Variants in SMOX observed in about 807,000 individuals in gnomAD.
The protein encoded by SMOX is spermine oxidase.
In SMOX, 22 loss-of-function variants were observed where a neutral mutation model predicts 51.0. The observed-to-expected ratio is 0.43, with a 90% confidence interval of 0.31 to 0.62. SMOX has a LOEUF of 0.62. Ranked by LOEUF, SMOX falls within the 20% of genes least tolerant of loss-of-function variation. The probability of loss-of-function intolerance (pLI) is 0.10; values close to 1 mark genes in which losing one functional copy is unlikely to be tolerated. For missense variants in SMOX, 566 were observed against 777.7 expected, an observed-to-expected ratio of 0.73 and a Z score of 3.24; for synonymous variants, 282 against 307.8, an observed-to-expected ratio of 0.92 and a Z score of 0.88.
At chr20:4,163,180 A>C (rs541624587) in intron 1 of SMOX, among the ~76,000 whole-genome samples, 1 of 149,716 alleles carries the variant, frequency 6.7e-6, no homozygotes, top group Admixed American at 6.8e-5. Context: ...TTGGCTGTAC[A>C]TTGGCATCAT....
intron 2 of SMOX, chr20:4,176,019 G>GT (rs11386199): frequency 0.27 from 31,349 of 114,422 alleles, 5,836 homozygotes; most frequent in Non-Finnish European, 0.37. Context: ...CTCTAGAGGA[G>GT]TTTTTTTTTT....
intron 2 of SMOX, among the ~76,000 whole-genome samples, chr20:4,176,889 C>T (rs1035671015): frequency 6.6e-6 from 1 of 152,188 alleles, no homozygotes; most frequent in Admixed American, 6.5e-5. Context: ...CTCTCCTGCC[C>T]TATGCTGAAT....
chr20:4,174,239 AAGAG>A (rs1054330155), intron 1 of SMOX, among the ~76,000 whole-genome samples: 1 of 150,906 alleles, frequency 6.6e-6, no homozygotes, highest in East Asian at 1.9e-4. Context: ...GGGCAAGGGA[AAGAG>A]AGAGAGAGTG....
At chr20:4,154,454 CA>C (rs1985909155) in intron 1 of SMOX, among the ~76,000 whole-genome samples, 1 of 151,880 alleles carries the variant, frequency 6.6e-6, no homozygotes. Context: ...CGGCTCACTG[CA>C]ACCTTCGCCT....
chr20:4,154,845 G>A (rs1040178849), intron 1 of SMOX, among the ~76,000 whole-genome samples: 4 of 151,826 alleles, frequency 2.6e-5, no homozygotes, highest in South Asian at 2.1e-4. Flanking sequence ...GGGAGCTGCC[G>A]GGGTAGGGGG....
At chr20:4,155,910 C>G (rs889145728) in intron 1 of SMOX, among the ~76,000 whole-genome samples, 1 of 152,130 alleles carries the variant, frequency 6.6e-6, no homozygotes. Flanking sequence ...TTGACTGGCT[C>G]TCAGTCTGAG....
intron 3 of SMOX, among the ~76,000 whole-genome samples, chr20:4,179,273 C>T (rs563485865): frequency 4.6e-5 from 7 of 152,292 alleles, no homozygotes; most frequent in East Asian, 1.9e-4. Flanking sequence ...AAATGACTTT[C>T]GGGGCCCGTG....
At position 4,181,766 on chromosome 20, in the gene SMOX, A is replaced by G; in HGVS notation, c.436-37A>G. Reference sequence around the variant, plus strand: ...GCCTTCTGTTTGAGATGGAGGTGTGATGAGGTGTTTTCAGTCTCATGGGGT... The same window carrying G: ...GCCTTCTGTTTGAGATGGAGGTGTGGTGAGGTGTTTTCAGTCTCATGGGGT... On this transcript the variant is annotated intron_variant, in intron 3 of 6. Coordinates refer to ENST00000305958, the MANE Select transcript of SMOX (RefSeq NM_175839.3). The surrounding 1 kb of genome is among the most constrained non-coding windows in gnomAD (Gnocchi z 5.6). The G allele has an allele frequency of 6.2e-7, 1 of 1,602,072 alleles. No individual in the cohort carries two copies. The highest frequency in any genetic ancestry group is 8.5e-7 in the Non-Finnish European group (1 of 1,173,424).
chr20:4,171,170 G>A (rs751767203), intron 1 of SMOX, among the ~76,000 whole-genome samples: 22 of 152,168 alleles, frequency 1.4e-4, no homozygotes, highest in Non-Finnish European at 2.2e-4. Context: ...ATCAAGGAGC[G>A]GATGTTATTT....
At position 4,167,585 on chromosome 20, in the gene SMOX, G is replaced by C. The variant is rs1210381728; in HGVS notation, c.-26-7445G>C. Among the ~76,000 whole-genome samples, 1 of 152,168 alleles carries C rather than the reference G, an allele frequency of 6.6e-6. No homozygotes were observed. Among genetic ancestry groups the C allele is most frequent in the South Asian group, 2.1e-4 (1 of 4,832 alleles). ...GTGCGTCCTTGGAGTGAGTTCAGAG[G>C]TGTTGGCCAAGTGGGGCCTGGAGAA... On this transcript the variant is annotated intron_variant, in intron 1 of 6. Coordinates refer to ENST00000305958, the MANE Select transcript of SMOX (RefSeq NM_175839.3). The surrounding 1 kb of genome is among the most constrained non-coding windows in gnomAD (Gnocchi z 4.8).
chr20:4,153,301 C>T lies in SMOX; in HGVS notation c.-27+4324C>T, dbSNP rs374680231. Among the ~76,000 whole-genome samples, 10 of 152,068 alleles carry T rather than the reference C, an allele frequency of 6.6e-5. No individual in the cohort carries two copies. Among genetic ancestry groups the T allele is most frequent in the South Asian group, 2.1e-4 (1 of 4,826 alleles). On this transcript the variant is annotated intron_variant, in intron 1 of 6. Coordinates refer to ENST00000305958, the MANE Select transcript of SMOX (RefSeq NM_175839.3). This position sits in a 1 kb window ranked among gnomAD's most constrained non-coding sequence, Gnocchi z 4.4. ...ACCCTTCTGGGTTTAGCATTGCCCTCGTCATCTGCCTGTAAAATGGGATTA... is the reference window on the plus strand; with the variant it reads ...ACCCTTCTGGGTTTAGCATTGCCCTTGTCATCTGCCTGTAAAATGGGATTA...
In SMOX at chr20:4,183,306, G is replaced by A; in HGVS notation, c.1370-188G>A. 2 of 735,792 alleles carry A rather than the reference G, an allele frequency of 2.7e-6. No individual in the cohort carries two copies. Among genetic ancestry groups the A allele is most frequent in the Non-Finnish European group, 4.5e-6 (2 of 448,516 alleles). 45.6% of individuals were successfully genotyped at this position (735,792 alleles called of 1,614,324 possible). ...AGCGTTTTGCCGGGGGTCACAGGAGGCGCTGAGTGGGTACACAGCTCGAGC... is the reference window on the plus strand; with the variant it reads ...AGCGTTTTGCCGGGGGTCACAGGAGACGCTGAGTGGGTACACAGCTCGAGC... On this transcript the variant is annotated intron_variant, in intron 5 of 6. Transcript: ENST00000305958. The surrounding 1 kb of genome is among the most constrained non-coding windows in gnomAD (Gnocchi z 4.3).
chr20:4,152,707 A>G (rs1163731365), intron 1 of SMOX, among the ~76,000 whole-genome samples: 2 of 152,210 alleles, frequency 1.3e-5, no homozygotes, highest in African/African-American at 4.8e-5. Context: ...TATTCACTGC[A>G]TGCCCTGCAT....
Position 4,152,857 on chromosome 20 carries a change from A to G in SMOX, c.-27+3880A>G, listed in dbSNP as rs374301183. 1.4e-4 allele frequency among the ~76,000 whole-genome samples: 22 copies of G among 152,368 alleles called. No homozygotes were observed. In the South Asian group the frequency reaches 4.6e-3, roughly 32 times the overall value. Reference sequence around the variant, plus strand: ...AGTGACAGAATGAGGATTGAATCCAAACATTTTACAGACGGGAGGACTGAG... The same window carrying G: ...AGTGACAGAATGAGGATTGAATCCAGACATTTTACAGACGGGAGGACTGAG... On this transcript the variant is annotated intron_variant, in intron 1 of 6. Coordinates refer to ENST00000305958, the MANE Select transcript of SMOX (RefSeq NM_175839.3).
rs1482198506 is a variant in SMOX, at chr20:4,149,346, C to A, written c.-27+369C>A. 6.6e-6 allele frequency among the ~76,000 whole-genome samples: 1 copy of A among 151,620 alleles called. No individual in the cohort carries two copies. Among genetic ancestry groups the A allele is most frequent in the African/African-American group, 2.4e-5 (1 of 41,342 alleles). On this transcript the variant is annotated intron_variant, in intron 1 of 6. Transcript: ENST00000305958. The surrounding 1 kb of genome is among the most constrained non-coding windows in gnomAD (Gnocchi z 6.0). ...GGGAGCGTCCCGGGCGCCCTGCAGGCGCGCTCCGTGGGCGCAGACAAAGCC... is the reference window on the plus strand; with the variant it reads ...GGGAGCGTCCCGGGCGCCCTGCAGGAGCGCTCCGTGGGCGCAGACAAAGCC...
At chr20:4,174,977 A>C in intron 1 of SMOX, 53 bp from the exon 2 acceptor site, 1 of 1,550,906 alleles carries the variant, frequency 6.4e-7, no homozygotes, top group Non-Finnish European at 8.8e-7. Context: ...CCCTTGGGGC[A>C]GGTGGGAAGT....
chr20:4,187,615 G>T lies in SMOX; in HGVS notation c.*208G>T, dbSNP rs1232234630. On this transcript the variant is annotated 3_prime_UTR_variant, in exon 7 of 7. Coordinates refer to ENST00000305958, the MANE Select transcript of SMOX (RefSeq NM_175839.3). The surrounding 1 kb of genome is among the most constrained non-coding windows in gnomAD (Gnocchi z 4.8). ...GCAGGTGGGCCGTTGAGTTACCTCT[G>T]TGCTGGATCCCGTGCCCCCACTTGC... 4.8e-6 allele frequency: 3 copies of T among 628,310 alleles called. No individual in the cohort carries two copies. The Admixed American group carries it at 9.4e-5, about 20-fold the overall frequency. The allele number at this position is 628,310 out of a possible 1,614,324, so 38.9% of individuals were successfully genotyped here. A position where few individuals can be genotyped will look rare whatever the true frequency, so the allele number is the denominator to read the frequency against.
In SMOX at chr20:4,149,696, C is replaced by G. The variant is rs1335489047; in HGVS notation, c.-27+719C>G. ...GGTAGGGGCGAGGGCTCCTTTAGAGCAGTTGAGGGGCCCGCGGAGCTTGCG... is the reference window on the plus strand; with the variant it reads ...GGTAGGGGCGAGGGCTCCTTTAGAGGAGTTGAGGGGCCCGCGGAGCTTGCG... On this transcript the variant is annotated intron_variant, in intron 1 of 6. Coordinates refer to ENST00000305958, the MANE Select transcript of SMOX (RefSeq NM_175839.3). This position sits in a 1 kb window ranked among gnomAD's most constrained non-coding sequence, Gnocchi z 6.0. Among the ~76,000 whole-genome samples the G allele has an allele frequency of 6.6e-5, 10 of 152,074 alleles. No individual in the cohort carries two copies. Among genetic ancestry groups the G allele is most frequent in the Non-Finnish European group, 1.2e-4 (8 of 67,996 alleles).
chr20:4,179,712 G>A (rs1979178272), intron 3 of SMOX, among the ~76,000 whole-genome samples: 1 of 152,194 alleles, frequency 6.6e-6, no homozygotes, highest in South Asian at 2.1e-4. Flanking sequence ...GTGGAATCTT[G>A]AGCAGGTTAT....
Sources: gnomAD v4.1 joint callset for allele counts (sites outside exome capture counted in the v4.1 genomes callset) on GRCh38, gnomAD v4.1.1 for gene constraint, Gnocchi (gnomAD v3.1) non-coding constraint, MANE v1.5 for transcripts, NCBI Gene and HGNC (gene_info 2026-07-23, HGNC 2026-07-21) for gene names.